Variants in HGSNAT observed in about 807,000 individuals in gnomAD.
The protein encoded by HGSNAT is transmembrane protein 76.
In HGSNAT, 59 loss-of-function variants were observed where a neutral mutation model predicts 85.2. That is an observed-to-expected ratio of 0.69 (90% confidence interval 0.56 to 0.86). HGSNAT has a LOEUF of 0.86. Among genes scored for constraint, HGSNAT ranks in the 40% least tolerant of loss-of-function variants. The pLI is 0.00. For synonymous variants in HGSNAT, 321 were observed against 304.5 expected (o/e 1.05, Z -0.56); for missense variants, 756 against 777.1 (o/e 0.97, Z 0.32).
At chr8:43,144,675 T>G (rs1167783376) in intron 1 of HGSNAT, among the ~76,000 whole-genome samples, 3 of 152,196 alleles carry the variant, frequency 2.0e-5, no homozygotes, top group Non-Finnish European at 4.4e-5. Context: ...GAAAGCTTTC[T>G]TTGGCCTAGA....
At chr8:43,173,792 C>T (rs773266528) in intron 9 of HGSNAT, 49 bp downstream of exon 9, 8 of 1,586,380 alleles carry the variant, frequency 5.0e-6, no homozygotes, top group South Asian at 2.3e-5. Context: ...ACTCCAATCT[C>T]CTGTTTTTCA....
intron 14 of HGSNAT, chr8:43,196,626 C>G (rs572339742): frequency 1.1e-6 from 1 of 915,590 alleles, no homozygotes; most frequent in East Asian, 5.0e-5. Context: ...ATGCTTCCCC[C>G]GAGCTCTGTG....
chr8:43,162,358 C>G (rs1254944457), intron 5 of HGSNAT, among the ~76,000 whole-genome samples: 3 of 152,122 alleles, frequency 2.0e-5, no homozygotes, highest in African/African-American at 4.8e-5. Context: ...TGTGAGGACC[C>G]CAACTGTGTA....
At position 43,199,393 on chromosome 8, in the gene HGSNAT, A is replaced by T; in HGVS notation, c.1732A>T (p.Asn578Tyr). Residue 578 changes from asparagine (N) to tyrosine (Y), a missense_variant, in exon 18 of 18, where the codon AAT becomes TAT. By Grantham distance (143) the Asn-to-Tyr change is moderately radical. Transcript: ENST00000379644. ...TGTATGTCTCTCTCCTTAAGGAATG[A>T]ATTCCATTCTGGTATATGTCGGCCA... Reference protein sequence around the residue: ...TGTPFFYPGMNSILVYVGHEV... With the variant: ...TGTPFFYPGMYSILVYVGHEV... The T allele has an allele frequency of 6.3e-7, 1 of 1,590,734 alleles. No individual in the cohort carries two copies. The highest frequency in any genetic ancestry group is 8.6e-7 in the Non-Finnish European group (1 of 1,165,734).
chr8:43,176,052 T>C (rs1803799924), intron 9 of HGSNAT, among the ~76,000 whole-genome samples: 1 of 152,250 alleles, frequency 6.6e-6, no homozygotes, highest in Admixed American at 6.5e-5. Flanking sequence ...TTACTTGATA[T>C]GATCCCGTTT....
intron 5 of HGSNAT, among the ~76,000 whole-genome samples, chr8:43,164,487 G>A (rs1427444452): frequency 6.6e-6 from 1 of 151,970 alleles, no homozygotes; most frequent in Non-Finnish European, 1.5e-5. Flanking sequence ...GATTTAAAGC[G>A]AGAGACGTGC....
At chr8:43,181,781 G>A (rs1021513878) in intron 10 of HGSNAT, 2 of 230,168 alleles carry the variant, frequency 8.7e-6, no homozygotes, top group African/African-American at 2.3e-5. Flanking sequence ...CCTAGCAGAC[G>A]TGCGGGTTGA....
At chr8:43,198,646 A>G (rs1804815433) in intron 17 of HGSNAT, among the ~76,000 whole-genome samples, 1 of 152,118 alleles carries the variant, frequency 6.6e-6, no homozygotes, top group Non-Finnish European at 1.5e-5. Flanking sequence ...TACTATAGAG[A>G]TTGTGCATTA....
At chr8:43,186,993 T>A (rs913030651) in intron 11 of HGSNAT, among the ~76,000 whole-genome samples, 1 of 152,270 alleles carries the variant, frequency 6.6e-6, no homozygotes, top group African/African-American at 2.4e-5. Context: ...TTGATTGCAC[T>A]GTGGTCTGAG....
Position 43,178,150 on chromosome 8 carries a change from T to C in HGSNAT, c.928T>C (p.Leu310=), listed in dbSNP as rs1358940142. 6.2e-6 allele frequency: 10 copies of C among 1,606,806 alleles called. No homozygotes were observed. Among genetic ancestry groups the C allele is most frequent in the Non-Finnish European group, 8.5e-6 (10 of 1,177,596 alleles). Residue 310 remains leucine (L), a synonymous_variant, in exon 10 of 18, where the codon TTG becomes CTG. Coordinates refer to ENST00000379644, the MANE Select transcript of HGSNAT (RefSeq NM_152419.3). ...GCAACGGGGGTGTTCAAAATTCAGATTGCTGGGGAAGATTGCATGGAGGAG... is the reference window on the plus strand; with the variant it reads ...GCAACGGGGGTGTTCAAAATTCAGACTGCTGGGGAAGATTGCATGGAGGAG... ...ILQRGCSKFR[L]LGKIAWRSFL...
rs886062959 is a variant in HGSNAT at position 43,200,665 on chromosome 8, GACAA to G, written c.*1100_*1103del. 1 of 152,372 alleles carries G rather than the reference GACAA, an allele frequency of 6.6e-6. No individual in the cohort carries two copies. The highest frequency in any genetic ancestry group is 1.5e-5 in the Non-Finnish European group (1 of 68,050). 9.4% of individuals were successfully genotyped at this position (152,372 alleles called of 1,614,324 possible). ...CTTAGGTGTGAAATCGGGGACAAAGGACAAACAGAGACACACGGCATTGTTCATG... is the reference window on the plus strand; with the variant it reads ...CTTAGGTGTGAAATCGGGGACAAAGGACAGAGACACACGGCATTGTTCATG... On this transcript the variant is annotated 3_prime_UTR_variant, in exon 18 of 18. Transcript: ENST00000379644.
intron 14 of HGSNAT, among the ~76,000 whole-genome samples, chr8:43,195,655 T>TGGAGGGGGAGGAGGGAGGAGA (rs1804693393): frequency 1.5e-5 from 1 of 67,558 alleles, no homozygotes; most frequent in Non-Finnish European, 2.7e-5. Flanking sequence ...GAGGAGGGGC[T>TGGAGGGGGAGGAGGGAGGAGA]GGAGGAGGAG....
intron 14 of HGSNAT, 135 bp downstream of exon 14, chr8:43,193,978 T>G: frequency 7.0e-7 from 1 of 1,435,620 alleles, no homozygotes; most frequent in Non-Finnish European, 9.2e-7. Context: ...TCTGTTATCT[T>G]TGACAGATTG....
intron 10 of HGSNAT, among the ~76,000 whole-genome samples, chr8:43,178,690 G>A (rs1208524750): frequency 1.3e-5 from 2 of 148,396 alleles, no homozygotes; most frequent in Admixed American, 6.7e-5. Flanking sequence ...ATAGTGGAGG[G>A]AAGGTCAGCA....
chr8:43,159,130 A>C (rs1009238788), intron 4 of HGSNAT, 86 bp downstream of exon 4: 3 of 1,394,496 alleles, frequency 2.2e-6, no homozygotes, highest in African/African-American at 1.4e-5. Context: ...AAAGCAGTCC[A>C]TGACGCTTTC....
At position 43,146,954 on chromosome 8, in the gene HGSNAT, A is replaced by G. The variant is rs779890647; in HGVS notation, c.125A>G (p.Asp42Gly). Residue 42 changes from aspartate to glycine, a missense_variant, in exon 2 of 18, where the codon GAC (aspartate) becomes GGC (glycine). Physicochemically the swap from Asp to Gly is moderately conservative, Grantham distance 94. Coordinates refer to ENST00000379644, the MANE Select transcript of HGSNAT (RefSeq NM_152419.3). ...TTTTCCTAATTTCTACCAGACTTAG[A>G]CAAAAAAAGACATGCAGAGCTGAAG... ...DAQAAPPRDL[D>G]KKRHAELKMD... 2 of 1,584,932 alleles carry G rather than the reference A, an allele frequency of 1.3e-6. No homozygotes were observed. Among genetic ancestry groups the G allele is most frequent in the East Asian group, 2.2e-5 (1 of 44,658 alleles).
In HGSNAT at chr8:43,159,048, C is replaced by A; in HGVS notation, c.493+4C>A. ...GATCCAGTTGATAGTAACCTTCGTA[C>A]GTATATGTTCTCTGCTGATTTTCAC... On this transcript the variant is annotated splice_donor_region_variant and intron_variant, in intron 4 of 17. Transcript: ENST00000379644. The A allele has an allele frequency of 6.2e-7, 1 of 1,607,630 alleles. No homozygotes were observed. Among genetic ancestry groups the A allele is most frequent in the Non-Finnish European group, 8.5e-7 (1 of 1,177,914 alleles).
intron 1 of HGSNAT, among the ~76,000 whole-genome samples, chr8:43,141,643 C>CT (rs1802549466): frequency 2.0e-5 from 3 of 151,938 alleles, no homozygotes; most frequent in Non-Finnish European, 2.9e-5. Flanking sequence ...GTTTTAGTGT[C>CT]TGTGTATGGA....
intron 14 of HGSNAT, among the ~76,000 whole-genome samples, chr8:43,195,435 C>G (rs1804671902): frequency 6.6e-6 from 1 of 151,746 alleles, no homozygotes; most frequent in Non-Finnish European, 1.5e-5. Flanking sequence ...AGTGGATCAT[C>G]ATGAAGATCT....
Sources: gnomAD v4.1 joint callset for allele counts (sites outside exome capture counted in the v4.1 genomes callset) on GRCh38, gnomAD v4.1.1 for gene constraint, MANE v1.5 for transcripts, NCBI Gene and HGNC (gene_info 2026-07-23, HGNC 2026-07-21) for gene names.